The following NEDD4L variants were observed in gnomAD, a reference collection of about 807,000 sequenced individuals.
The protein encoded by NEDD4L is E3 ubiquitin-protein ligase NEDD4-like.
Under a neutral mutation model 148.9 loss-of-function variants are expected in NEDD4L, and 54 were observed. The observed-to-expected ratio is 0.36, with a 90% CI of 0.29 to 0.45. The LOEUF (loss-of-function observed/expected upper bound fraction) is 0.45, where lower values mean the gene tolerates loss of function less well. NEDD4L is among the 20% of genes least tolerant of loss of function. NEDD4L has a pLI of 1.00. For synonymous variants in NEDD4L, 433 were observed against 440.7 expected, an observed-to-expected ratio of 0.98 and a Z score of 0.22; for missense variants, 856 against 1,233.8, an observed-to-expected ratio of 0.69 and a Z score of 4.59.
chr18:58,190,684 T>C (rs554580888), intron 2 of NEDD4L, among the ~76,000 whole-genome samples: 2 of 152,358 alleles, frequency 1.3e-5, no homozygotes, highest in East Asian at 3.9e-4. Flanking sequence ...GAAGAATCTG[T>C]ATTGCATTTA....
intron 1 of NEDD4L, among the ~76,000 whole-genome samples, chr18:58,126,201 A>G (rs2031060007): frequency 6.6e-6 from 1 of 152,238 alleles, no homozygotes. Context: ...CTTTTAGTAT[A>G]TTCACACACA....
rs528794251 is a variant in NEDD4L, at chr18:58,175,997, A to T, written c.122+10136A>T. 7.2e-5 allele frequency among the ~76,000 whole-genome samples: 11 copies of T among 152,366 alleles called. No individual in the cohort carries two copies. The East Asian group carries it at 2.1e-3, about 29-fold the overall frequency. On this transcript the variant is annotated intron_variant, in intron 2 of 30. Transcript: ENST00000400345. ...CCATCCTGCGGGAGGCTTGCTGTGC[A>T]ATATAGCCATCGCCACAATAATGGA... is the stretch of plus-strand genomic sequence containing the variant.
In NEDD4L at chr18:58,341,112, C is replaced by T. The variant is rs371650581; in HGVS notation, c.1200C>T (p.Arg400=). The T allele has an allele frequency of 6.8e-6, 11 of 1,612,468 alleles. No homozygotes were observed. Among genetic ancestry groups the T allele is most frequent in the Non-Finnish European group, 9.3e-6 (11 of 1,179,344 alleles). Residue 400 remains arginine, a synonymous_variant, in exon 14 of 31, where the codon CGC becomes CGT. Transcript: ENST00000400345. ...AAGAAAGAAAAGATGCTAAGGGGCG[C>T]ACATACTATGTCAATCATAACAATC... The part of the protein sequence containing the change: ...GWEERKDAKG[R]TYYVNHNNRT...
intron 1 of NEDD4L, among the ~76,000 whole-genome samples, chr18:58,069,619 G>A (rs1005389319): frequency 2.6e-5 from 4 of 152,182 alleles, no homozygotes; most frequent in Non-Finnish European, 4.4e-5. Flanking sequence ...CTGTAACTGA[G>A]TAACACTGAT....
chr18:58,291,914 A>G (rs1293827110), intron 5 of NEDD4L, among the ~76,000 whole-genome samples: 1 of 152,150 alleles, frequency 6.6e-6, no homozygotes, highest in African/African-American at 2.4e-5. Context: ...ATGCTCATTT[A>G]GAGAAAAGCA....
chr18:58,212,039 A>G (rs2042650629), intron 2 of NEDD4L, among the ~76,000 whole-genome samples: 1 of 152,222 alleles, frequency 6.6e-6, no homozygotes, highest in South Asian at 2.1e-4. Flanking sequence ...ATAAGAACCT[A>G]TTTTGTATAA....
At chr18:58,266,530 A>G (rs781277516) in intron 5 of NEDD4L, among the ~76,000 whole-genome samples, 2 of 152,108 alleles carry the variant, frequency 1.3e-5, no homozygotes, top group African/African-American at 2.4e-5. Flanking sequence ...TAAATACTGG[A>G]GAAATACTGA....
intron 2 of NEDD4L, among the ~76,000 whole-genome samples, chr18:58,170,084 A>G (rs1469697352): frequency 6.6e-6 from 1 of 152,182 alleles, no homozygotes; most frequent in East Asian, 1.9e-4. Flanking sequence ...GCATGAAGTG[A>G]GCCCGTTCTT....
chr18:58,180,546 G>C (rs2038747285), intron 2 of NEDD4L, among the ~76,000 whole-genome samples: 1 of 152,096 alleles, frequency 6.6e-6, no homozygotes, highest in Non-Finnish European at 1.5e-5. Flanking sequence ...GCCCCTCCTT[G>C]GCTCTGCCTC....
chr18:58,365,968 G>A (rs752004543), intron 20 of NEDD4L, 31 bp from the exon 21 acceptor site: 34 of 1,465,570 alleles, frequency 2.3e-5, no homozygotes, highest in Non-Finnish European at 3.1e-5. Flanking sequence ...TTTACTGTAT[G>A]ATTATGTGTT....
intron 2 of NEDD4L, among the ~76,000 whole-genome samples, chr18:58,239,219 G>C (rs2046358377): frequency 6.6e-6 from 1 of 152,176 alleles, no homozygotes; most frequent in Non-Finnish European, 1.5e-5. Context: ...TTGCCCATAG[G>C]GAGCAAAGAC....
intron 2 of NEDD4L, among the ~76,000 whole-genome samples, chr18:58,235,247 G>C (rs964060562): frequency 6.6e-6 from 1 of 152,152 alleles, no homozygotes; most frequent in Non-Finnish European, 1.5e-5. Context: ...TTGACCCTGT[G>C]AGGCCCACTC....
chr18:58,391,380 C>G, intron 29 of NEDD4L, 107 bp from the exon 30 acceptor site: 1 of 861,688 alleles, frequency 1.2e-6, no homozygotes, highest in Non-Finnish European at 1.9e-6. Context: ...TGGGCCTCAC[C>G]CCTGGGGGCA....
intron 5 of NEDD4L, among the ~76,000 whole-genome samples, chr18:58,287,048 A>G (rs2054012559): frequency 2.0e-5 from 3 of 151,958 alleles, no homozygotes; most frequent in African/African-American, 7.2e-5. Context: ...TAGAGTGCTG[A>G]TAATACTTGA....
chr18:58,153,020 G>A (rs970581171), intron 1 of NEDD4L, among the ~76,000 whole-genome samples: 11 of 152,168 alleles, frequency 7.2e-5, no homozygotes, highest in Non-Finnish European at 1.2e-4. Context: ...TTTAGGGGAA[G>A]GAGAGTCTAA....
At chr18:58,150,078 C>A (rs2034527569) in intron 1 of NEDD4L, among the ~76,000 whole-genome samples, 1 of 152,060 alleles carries the variant, frequency 6.6e-6, no homozygotes, top group Non-Finnish European at 1.5e-5. Flanking sequence ...TTTTGTTTGC[C>A]TGTTAAGAGA....
intron 16 of NEDD4L, among the ~76,000 whole-genome samples, chr18:58,345,252 C>T (rs2042906218): frequency 6.6e-6 from 1 of 152,194 alleles, no homozygotes; most frequent in Non-Finnish European, 1.5e-5. Context: ...GACACAGCTG[C>T]GCTATCGCTT....
At chr18:58,044,791 C>G in intron 1 of NEDD4L, 83 bp downstream of exon 1, 6 of 1,520,086 alleles carry the variant, frequency 3.9e-6, no homozygotes, top group Non-Finnish European at 5.3e-6. Flanking sequence ...GGGGCCGTCC[C>G]CGGGGTGCTC....
At chr18:58,334,371 A>G (rs776542854) in intron 12 of NEDD4L, among the ~76,000 whole-genome samples, 3 of 152,188 alleles carry the variant, frequency 2.0e-5, no homozygotes, top group Non-Finnish European at 4.4e-5. Flanking sequence ...CTCACCAGGA[A>G]TTGGCTATAA....
Sources: allele counts gnomAD v4.1 joint callset (sites outside exome capture counted in the v4.1 genomes callset), GRCh38; gene constraint gnomAD v4.1.1; transcripts MANE v1.5; gene names NCBI Gene and HGNC (gene_info 2026-07-23, HGNC 2026-07-21).